Variants in RUSC2 observed in about 807,000 individuals in gnomAD.
The protein encoded by RUSC2 is RUN and SH3 domain containing 2, also known as AP-4 complex accessory subunit RUSC2.
Under a neutral mutation model 122.2 loss-of-function variants are expected in RUSC2, and 34 were observed. The ratio of observed to expected loss-of-function variants is 0.28; its 90% CI spans 0.21 to 0.37. The LOEUF (loss-of-function observed/expected upper bound fraction) is 0.37, where lower values mean the gene tolerates loss of function less well. RUSC2 is among the 10% of genes least tolerant of loss of function. The pLI, the probability that RUSC2 is intolerant of heterozygous loss-of-function variation, is 1.00. For missense variants in RUSC2, 1,747 were observed against 1,952.4 expected, an observed-to-expected ratio of 0.89 and a Z score of 1.98; for synonymous variants, 784 against 790.0, an observed-to-expected ratio of 0.99 and a Z score of 0.13.
intron 2 of RUSC2, chr9:35,549,361 T>TAGGG: frequency 1.9e-5 from 5 of 265,160 alleles, no homozygotes; most frequent in Non-Finnish European, 2.9e-5. Flanking sequence ...GTGGCCTCCC[T>TAGGG]AGGCCAGCTC....
chr9:35,499,705 C>T (rs1238965332), intron 1 of RUSC2, among the ~76,000 whole-genome samples: 3 of 152,002 alleles, frequency 2.0e-5, no homozygotes, highest in African/African-American at 4.8e-5. Flanking sequence ...CTTTCTTTTC[C>T]TGTATAATTC....
At chr9:35,537,275 T>G (rs1821548522) in intron 1 of RUSC2, among the ~76,000 whole-genome samples, 1 of 152,190 alleles carries the variant, frequency 6.6e-6, no homozygotes, top group African/African-American at 2.4e-5. Flanking sequence ...CCCAGAGCTC[T>G]CATGGTAAGA....
At position 35,561,182 on chromosome 9, in the gene RUSC2, G is replaced by A. The variant is rs753450776; in HGVS notation, c.4351G>A (p.Glu1451Lys). 8.7e-6 allele frequency: 14 copies of A among 1,614,000 alleles called. No individual in the cohort carries two copies. The Admixed American group carries it at 1.5e-4, about 17-fold the overall frequency. Reference sequence around the variant, plus strand: ...GACCTCCATGTGCTGTTTCCCCAGTGAGGTGCAGGCACTGTGCCACCACCT... The same window carrying A: ...GACCTCCATGTGCTGTTTCCCCAGTAAGGTGCAGGCACTGTGCCACCACCT... ...SPALPSSPPC[E>K]VQALCHHLAT... is the part of the protein sequence containing the mutation. The change falls in exon 12 of 12, where the codon GAG becomes AAG. Residue 1451 changes from glutamate to lysine, a missense_variant and splice_region_variant. Physicochemically the swap from Glu to Lys is moderately conservative, Grantham distance 56. Transcript: ENST00000361226.
intron 2 of RUSC2, among the ~76,000 whole-genome samples, chr9:35,554,391 A>G (rs1462879772): frequency 6.6e-6 from 1 of 152,224 alleles, no homozygotes; most frequent in Non-Finnish European, 1.5e-5. Context: ...GTAGATACAG[A>G]TAACAGGTAG....
intron 1 of RUSC2, among the ~76,000 whole-genome samples, chr9:35,491,807 G>A (rs977346018): frequency 1.3e-5 from 2 of 152,098 alleles, no homozygotes; most frequent in African/African-American, 4.8e-5. Flanking sequence ...AAAATTACCG[G>A]GCATGGTGGT....
At chr9:35,491,339 A>C (rs887316594) in intron 1 of RUSC2, among the ~76,000 whole-genome samples, 2 of 152,188 alleles carry the variant, frequency 1.3e-5, no homozygotes, top group Non-Finnish European at 2.9e-5. Context: ...TTAGCAAATA[A>C]AAGTAGTGAC....
Position 35,555,348 on chromosome 9 carries a change from A to C in RUSC2, c.2303A>C (p.Glu768Ala), listed in dbSNP as rs765727835. ...TGRGARKAGS[E>A]PETSRPSPLG... ...AGAGGTGCCAGGAAAGCTGGGTCTG[A>C]GCCAGAGACCTCTCGGCCATCGCCC... is the stretch of plus-strand genomic sequence containing the variant. Residue 768 changes from glutamate to alanine, a missense_variant, in exon 3 of 12, where the codon GAG (glutamate) becomes GCG (alanine). Glu to Ala is a moderately radical substitution (Grantham distance 107). Coordinates refer to ENST00000361226, the MANE Select transcript of RUSC2 (RefSeq NM_014806.5). The surrounding 1 kb of genome is among the most constrained non-coding windows in gnomAD (Gnocchi z 4.6). 3 of 1,614,170 alleles carry C rather than the reference A, an allele frequency of 1.9e-6. No homozygotes were observed. In the Admixed American group the frequency reaches 5.0e-5, roughly 27 times the overall value.
intron 1 of RUSC2, among the ~76,000 whole-genome samples, chr9:35,513,903 C>CATATATAT (rs3068511): frequency 0.033 from 3,378 of 103,736 alleles, 64 homozygotes; most frequent in Admixed American, 0.041. Context: ...CTTCAACAAA[C>CATATATAT]ATATATATAT....
chr9:35,509,564 A>C (rs139177312), intron 1 of RUSC2, among the ~76,000 whole-genome samples: 1,721 of 152,332 alleles, frequency 0.011, 18 homozygotes, highest in Non-Finnish European at 0.018. Context: ...TTTACAACTT[A>C]CAGGGGGACA....
chr9:35,523,310 T>C (rs1260991410), intron 1 of RUSC2, among the ~76,000 whole-genome samples: 1 of 152,238 alleles, frequency 6.6e-6, no homozygotes, highest in Non-Finnish European at 1.5e-5. Flanking sequence ...GTCTGCCAGT[T>C]CAGTTAATTG....
intron 1 of RUSC2, among the ~76,000 whole-genome samples, chr9:35,538,234 C>T (rs1251366455): frequency 6.6e-6 from 1 of 152,138 alleles, no homozygotes; most frequent in Non-Finnish European, 1.5e-5. Flanking sequence ...CTCTGAAGAC[C>T]CAGGGAACTG....
chr9:35,543,856 T>C (rs1447588408), intron 1 of RUSC2, among the ~76,000 whole-genome samples: 1 of 152,260 alleles, frequency 6.6e-6, no homozygotes, highest in Non-Finnish European at 1.5e-5. Flanking sequence ...AAGCCCTTTG[T>C]GACTGGCTTC....
rs1822019271 is a variant in RUSC2 at position 35,556,359 on chromosome 9, T to C, written c.2894T>C (p.Phe965Ser). Residue 965 changes from phenylalanine to serine, a missense_variant, in exon 5 of 12, where the codon TTT (phenylalanine) becomes TCT (serine). By Grantham distance (155) the Phe-to-Ser change is radical. Transcript: ENST00000361226. ...ACCTGCCCTGACTTCCAGGACCCCT[T>C]TTCCTTGACGGAGAAGCCTCCAGCT... ...PLTCPDFQDP[F>S]SLTEKPPAEF... 1 of 1,614,214 alleles carries C rather than the reference T, an allele frequency of 6.2e-7. No individual in the cohort carries two copies. The highest frequency in any genetic ancestry group is 1.1e-5 in the South Asian group (1 of 91,090).
chr9:35,541,059 C>T (rs879614139), intron 1 of RUSC2, among the ~76,000 whole-genome samples: 1 of 152,078 alleles, frequency 6.6e-6, no homozygotes, highest in Non-Finnish European at 1.5e-5. Flanking sequence ...ACAAGAGACA[C>T]CCATTTGGGA....
rs765030082 is a variant in RUSC2 at position 35,547,585 on chromosome 9, C to T, written c.1064C>T (p.Ser355Phe). 2 of 1,614,100 alleles carry T rather than the reference C, an allele frequency of 1.2e-6. No homozygotes were observed. The highest frequency in any genetic ancestry group is 1.7e-6 in the Non-Finnish European group (2 of 1,180,048). Residue 355 changes from serine (S) to phenylalanine (F), a missense_variant, in exon 2 of 12, where the codon TCT (serine) becomes TTT (phenylalanine). By Grantham distance (155) the Ser-to-Phe change is radical. Coordinates refer to ENST00000361226, the MANE Select transcript of RUSC2 (RefSeq NM_014806.5). The surrounding 1 kb of genome is among the most constrained non-coding windows in gnomAD (Gnocchi z 4.6). ...GGGGGCTATGGTTGCCCTCATGCCT[C>T]TTCTCCTGAGCTTGATGCCAACTGC... is the stretch of plus-strand genomic sequence containing the variant. ...REGGYGCPHA[S>F]SPELDANCNS...
intron 1 of RUSC2, among the ~76,000 whole-genome samples, chr9:35,496,157 A>T (rs1228610087): frequency 1.3e-5 from 2 of 152,162 alleles, no homozygotes; most frequent in East Asian, 3.8e-4. Flanking sequence ...AACGAGAAGC[A>T]TGCAACAAGT....
intron 2 of RUSC2, among the ~76,000 whole-genome samples, chr9:35,554,392 T>C (rs1821963878): frequency 6.6e-6 from 1 of 152,162 alleles, no homozygotes; most frequent in African/African-American, 2.4e-5. Flanking sequence ...TAGATACAGA[T>C]AACAGGTAGG....
intron 1 of RUSC2, among the ~76,000 whole-genome samples, chr9:35,517,318 G>C (rs1394196183): frequency 7.2e-5 from 11 of 152,178 alleles, no homozygotes; most frequent in African/African-American, 2.2e-4. Flanking sequence ...CTCAGGGATC[G>C]CTGGGCTAGA....
chr9:35,514,352 G>A (rs557491163), intron 1 of RUSC2, among the ~76,000 whole-genome samples: 32 of 152,260 alleles, frequency 2.1e-4, no homozygotes, highest in East Asian at 3.9e-4. Context: ...GAGCTGATCC[G>A]AGTTGATAGT....
Sources: allele counts gnomAD v4.1 joint callset (sites outside exome capture counted in the v4.1 genomes callset), GRCh38; gene constraint gnomAD v4.1.1; non-coding constraint Gnocchi (gnomAD v3.1); transcripts MANE v1.5; gene names NCBI Gene and HGNC (gene_info 2026-07-23, HGNC 2026-07-21).